ITPR1: variants seen among roughly 807,000 people sequenced by gnomAD.
ITPR1 encodes inositol 1,4,5-trisphosphate-gated calcium channel ITPR1.
ITPR1 carries 96 observed loss-of-function variants against 318.4 expected under a neutral mutation model. That is an observed-to-expected ratio of 0.30 (90% CI 0.26 to 0.36). The LOEUF is 0.36. ITPR1 is among the 10% of genes least tolerant of loss of function. The pLI, the probability that ITPR1 is intolerant of heterozygous loss-of-function variation, is 1.00. For missense variants in ITPR1, 2,440 were observed against 3,460.2 expected, an observed-to-expected ratio of 0.71 and a Z score of 7.40; for synonymous variants, 1,312 against 1,289.9, an observed-to-expected ratio of 1.02 and a Z score of -0.37.
chr3:4,536,458 C>T (rs2083883137), intron 4 of ITPR1, among the ~76,000 whole-genome samples: 1 of 152,186 alleles, frequency 6.6e-6, no homozygotes, highest in South Asian at 2.1e-4. Context: ...CTTAGAAACA[C>T]AGCCTCAAAG....
chr3:4,564,120 T>C (rs995862534), intron 4 of ITPR1, among the ~76,000 whole-genome samples: 1 of 152,170 alleles, frequency 6.6e-6, no homozygotes, highest in African/African-American at 2.4e-5. Context: ...TTTTGAATTT[T>C]TGTAGAGACG....
chr3:4,846,265 A>G lies in ITPR1; in HGVS notation c.*40A>G, dbSNP rs1210106839. 7.4e-7 allele frequency: 1 copy of G among 1,358,858 alleles called. No homozygotes were observed. The highest frequency in any genetic ancestry group is 1.4e-5 in the African/African-American group (1 of 69,184). 84.2% of individuals were successfully genotyped at this position (1,358,858 alleles called of 1,614,324 possible). A position where few individuals can be genotyped will look rare whatever the true frequency, so the allele number is the denominator to read the frequency against. On this transcript the variant is annotated 3_prime_UTR_variant, in exon 62 of 62. Transcript: ENST00000649015. ...GGAATTGTATTTACCTTTTATAATT[A>G]TTATTAGTGTGGGTATGGCTAATGA...
intron 12 of ITPR1, among the ~76,000 whole-genome samples, chr3:4,654,229 T>C (rs867133821): frequency 1.2e-4 from 18 of 152,330 alleles, no homozygotes; most frequent in Middle Eastern, 3.4e-3. Context: ...AATTGCCTTA[T>C]TGCTGTTGAC....
chr3:4,768,480 C>A, intron 45 of ITPR1, 31 bp from the exon 46 acceptor site: 1 of 1,576,980 alleles, frequency 6.3e-7, no homozygotes, highest in Non-Finnish European at 8.6e-7. Context: ...GAGGACTCTG[C>A]AGCCTTTCAT....
rs770228930 is a variant in ITPR1, at chr3:4,658,171, A to G, written c.1044A>G (p.Gln348=). 1.2e-6 allele frequency: 2 copies of G among 1,613,490 alleles called. No homozygotes were observed. Among genetic ancestry groups the G allele is most frequent in the African/African-American group, 1.3e-5 (1 of 75,032 alleles). The stretch of plus-strand genomic sequence containing the variant: ...CTCGAAGTAGGTTGCGGAATGCCCA[A>G]GAAAAGATGGTATACTCCCTGGTCT... ...DASRSRLRNA[Q]EKMVYSLVSV... Residue 348 remains glutamine (Q), a synonymous_variant, in exon 13 of 62, where the codon CAA becomes CAG. Coordinates refer to ENST00000649015, the MANE Select transcript of ITPR1 (RefSeq NM_001378452.1).
intron 4 of ITPR1, among the ~76,000 whole-genome samples, chr3:4,526,500 T>C (rs1448697317): frequency 1.3e-5 from 2 of 152,262 alleles, no homozygotes; most frequent in Non-Finnish European, 1.5e-5. Context: ...GCCTTGGTGA[T>C]GGCAGGACAA....
rs753012560 is a variant in ITPR1 at position 4,675,285 on chromosome 3, C to A, written c.2779+37C>A. On this transcript the variant is annotated intron_variant, in intron 23 of 61. Transcript: ENST00000649015. Reference sequence around the variant, plus strand: ...AGGGTGCCCATACATCTGAGAGATGCCCTCCAGCCTTTCCTGTTATGCTCA... The same window carrying A: ...AGGGTGCCCATACATCTGAGAGATGACCTCCAGCCTTTCCTGTTATGCTCA... 3.4e-6 allele frequency: 5 copies of A among 1,474,354 alleles called. No homozygotes were observed. The Admixed American group carries it at 7.7e-5, about 23-fold the overall frequency. 91.3% of individuals were successfully genotyped at this position (1,474,354 alleles called of 1,614,324 possible).
chr3:4,810,314 T>C (rs1214067753), intron 55 of ITPR1, among the ~76,000 whole-genome samples: 2 of 152,118 alleles, frequency 1.3e-5, no homozygotes, highest in Non-Finnish European at 1.5e-5. Flanking sequence ...TTCAGAGAGC[T>C]CTCTCCCCAC....
intron 55 of ITPR1, among the ~76,000 whole-genome samples, chr3:4,808,606 T>C (rs1169186384): frequency 6.6e-6 from 1 of 152,208 alleles, no homozygotes; most frequent in Admixed American, 6.5e-5. Context: ...TTGACTTGTT[T>C]GTGTCTTCAA....
intron 4 of ITPR1, among the ~76,000 whole-genome samples, chr3:4,545,267 G>A (rs913344633): frequency 2.0e-5 from 3 of 152,168 alleles, no homozygotes; most frequent in African/African-American, 7.2e-5. Context: ...TTCCCAGAAA[G>A]CAGTGTGGAA....
rs983753655 is a variant in ITPR1 at position 4,840,665 on chromosome 3, A to C, written c.8190+3730A>C. On this transcript the variant is annotated intron_variant, in intron 61 of 61. Transcript: ENST00000649015. Reference sequence around the variant, plus strand: ...TATGGTTAGTGGTGTCACTTTTTCTATTATTGCCAAGAATGGTTGGTTAGG... The same window carrying C: ...TATGGTTAGTGGTGTCACTTTTTCTCTTATTGCCAAGAATGGTTGGTTAGG... 2.0e-5 allele frequency among the ~76,000 whole-genome samples: 3 copies of C among 152,112 alleles called. No individual in the cohort carries two copies. In the East Asian group the frequency reaches 5.8e-4, roughly 29 times the overall value.
In ITPR1 at chr3:4,665,052, C is replaced by T. The variant is rs1432771641; in HGVS notation, c.1555-86C>T. On this transcript the variant is annotated intron_variant, in intron 16 of 61. Transcript: ENST00000649015. ...GAAATTTTCTAATGTAATCCAGCCA[C>T]CCTTGAGCTTGCATTACTTCCAAAC... 7.1e-6 allele frequency: 10 copies of T among 1,418,332 alleles called. No individual in the cohort carries two copies. In the South Asian group the frequency reaches 8.1e-5, roughly 11 times the overall value. 87.9% of individuals were successfully genotyped at this position (1,418,332 alleles called of 1,614,324 possible).
chr3:4,787,887 A>G (rs1007797447), intron 51 of ITPR1, 60 bp from the exon 52 acceptor site: 48 of 1,229,478 alleles, frequency 3.9e-5, no homozygotes, highest in Middle Eastern at 3.9e-4. Flanking sequence ...CCAGTAGCAA[A>G]TAGTCTTAGT....
Position 4,645,395 on chromosome 3 carries a change from C to T in ITPR1, c.633C>T (p.Ser211=), listed in dbSNP as rs771314325. ...VDNPGCNEVN[S]VNCNTSWKIV... Reference sequence around the variant, plus strand: ...TCGAATCTGTGTTTCAGGTCAATTCCGTCAACTGCAATACAAGCTGGAAAA... The same window carrying T: ...TCGAATCTGTGTTTCAGGTCAATTCTGTCAACTGCAATACAAGCTGGAAAA... The change falls in exon 9 of 62, where the codon TCC becomes TCT. Residue 211 remains serine (S), a synonymous_variant. Coordinates refer to ENST00000649015, the MANE Select transcript of ITPR1 (RefSeq NM_001378452.1). 1.2e-5 allele frequency: 20 copies of T among 1,610,984 alleles called. No individual in the cohort carries two copies. Among genetic ancestry groups the T allele is most frequent in the African/African-American group, 4.0e-5 (3 of 74,816 alleles).
At chr3:4,638,607 A>C (rs938462585) in intron 5 of ITPR1, among the ~76,000 whole-genome samples, 1 of 152,344 alleles carries the variant, frequency 6.6e-6, no homozygotes, top group African/African-American at 2.4e-5. Context: ...TAATAAATGC[A>C]TGGTTTAAAA....
chr3:4,536,094 G>C (rs1025447580), intron 4 of ITPR1, among the ~76,000 whole-genome samples: 4 of 152,114 alleles, frequency 2.6e-5, no homozygotes, highest in East Asian at 1.9e-4. Context: ...GAGGTTTCTG[G>C]TCCTTCATTG....
rs2045830904 is a variant in ITPR1 at position 4,766,526 on chromosome 3, G to C, written c.5545-4G>C. ...GTTCACAATCTATGGATTTTCCTTTGCAGCACTCCTTTTTCTGTCGCTTGA... is the reference window on the plus strand; with the variant it reads ...GTTCACAATCTATGGATTTTCCTTTCCAGCACTCCTTTTTCTGTCGCTTGA... On this transcript the variant is annotated splice_region_variant and splice_polypyrimidine_tract_variant and intron_variant, in intron 44 of 61. Coordinates refer to ENST00000649015, the MANE Select transcript of ITPR1 (RefSeq NM_001378452.1). The C allele has an allele frequency of 6.2e-7, 1 of 1,613,268 alleles. No individual in the cohort carries two copies. Among genetic ancestry groups the C allele is most frequent in the Non-Finnish European group, 8.5e-7 (1 of 1,179,380 alleles).
At chr3:4,782,905 G>A (rs986243366) in intron 50 of ITPR1, among the ~76,000 whole-genome samples, 164 bp downstream of exon 50, 2 of 152,192 alleles carry the variant, frequency 1.3e-5, no homozygotes, top group African/African-American at 4.8e-5. Flanking sequence ...CTGACCCAGT[G>A]TGCAGAGTTC....
At chr3:4,781,078 C>T (rs1397593674) in intron 49 of ITPR1, among the ~76,000 whole-genome samples, 1 of 152,236 alleles carries the variant, frequency 6.6e-6, no homozygotes, top group Non-Finnish European at 1.5e-5. Context: ...CCTCAAATCG[C>T]ATGTAACATG....
Sources: allele counts gnomAD v4.1 joint callset (sites outside exome capture counted in the v4.1 genomes callset), GRCh38; gene constraint gnomAD v4.1.1; transcripts MANE v1.5; gene names NCBI Gene and HGNC (gene_info 2026-07-23, HGNC 2026-07-21).